Variants in CSMD1 observed in about 807,000 individuals in gnomAD.
CSMD1 encodes CUB and sushi domain-containing protein 1.
In CSMD1, 213 loss-of-function variants were observed where a neutral mutation model predicts 417.5. The ratio of observed to expected loss-of-function variants is 0.51; its 90% confidence interval spans 0.46 to 0.57. CSMD1 has a LOEUF of 0.57. Among genes scored for constraint, CSMD1 ranks in the 20% least tolerant of loss-of-function variants. CSMD1 has a pLI of 0.00. For missense variants in CSMD1, 6,923 were observed against 4,529.7 expected (o/e 1.53, Z -15.17); for synonymous variants, 2,862 against 1,736.8 (o/e 1.65, Z -16.11).
intron 7 of CSMD1, among the ~76,000 whole-genome samples, chr8:3,691,319 A>G (rs1330908450): frequency 1.3e-5 from 2 of 152,030 alleles, no homozygotes; most frequent in African/African-American, 4.8e-5. Context: ...GTGAGCCGGG[A>G]TCGTGCCACT....
chr8:4,294,013 T>C (rs1457232008), intron 3 of CSMD1, among the ~76,000 whole-genome samples: 2 of 152,238 alleles, frequency 1.3e-5, no homozygotes, highest in African/African-American at 2.4e-5. Context: ...AGTTTTAGGA[T>C]AAGAATCAGG....
At chr8:4,019,532 A>G (rs1006722836) in intron 4 of CSMD1, among the ~76,000 whole-genome samples, 5 of 152,118 alleles carry the variant, frequency 3.3e-5, no homozygotes, top group African/African-American at 1.2e-4. Flanking sequence ...CCCAAGAGAC[A>G]TTCCCCATTC....
intron 3 of CSMD1, among the ~76,000 whole-genome samples, chr8:4,083,045 T>G (rs1055165442): frequency 6.6e-6 from 1 of 152,080 alleles, no homozygotes; most frequent in Non-Finnish European, 1.5e-5. Context: ...TCCAAGTCTT[T>G]GCTATTGTGA....
intron 16 of CSMD1, among the ~76,000 whole-genome samples, chr8:3,397,075 G>C (rs1026770045): frequency 6.6e-6 from 1 of 151,914 alleles, no homozygotes; most frequent in African/African-American, 2.4e-5. Context: ...TATATATAAA[G>C]TTGCAGCCAC....
Position 3,288,706 on chromosome 8 carries a change from C to A in CSMD1, c.3951-4360G>T, listed in dbSNP as rs564042187. Among the ~76,000 whole-genome samples the A allele has an allele frequency of 2.4e-3, 347 of 146,414 alleles. 8 individuals carry two copies. The highest frequency in any genetic ancestry group is 3.0e-3 in the Non-Finnish European group (201 of 67,822). The stretch of plus-strand genomic sequence containing the variant: ...CTTCTCTCTTTTCTTCTTTATTTTT[C>A]TTGATAGCAGTTTATCAATTTTGTT... On this transcript the variant is annotated intron_variant, in intron 25 of 69. Coordinates refer to ENST00000635120, the MANE Select transcript of CSMD1 (RefSeq NM_033225.6).
At chr8:4,424,355 C>T (rs894029134) in intron 2 of CSMD1, among the ~76,000 whole-genome samples, 1 of 151,706 alleles carries the variant, frequency 6.6e-6, no homozygotes, top group Non-Finnish European at 1.5e-5. Flanking sequence ...AAAAGGCAAA[C>T]AATCCAATTA....
chr8:3,599,613 C>A (rs1801263784), intron 8 of CSMD1, among the ~76,000 whole-genome samples: 1 of 152,224 alleles, frequency 6.6e-6, no homozygotes, highest in South Asian at 2.1e-4. Context: ...TTAACCACTT[C>A]ATGCTATACA....
chr8:3,629,208 G>A (rs1287009771), intron 7 of CSMD1, among the ~76,000 whole-genome samples: 1 of 152,108 alleles, frequency 6.6e-6, no homozygotes, highest in Non-Finnish European at 1.5e-5. Flanking sequence ...AGCTTCAACT[G>A]AGAAACAAGA....
At chr8:3,091,897 T>G (rs1814974681) in intron 47 of CSMD1, among the ~76,000 whole-genome samples, 1 of 152,222 alleles carries the variant, frequency 6.6e-6, no homozygotes. Flanking sequence ...GGTGTCATAT[T>G]TAAATAAGCC....
At chr8:4,889,624 G>A (rs541565752) in intron 1 of CSMD1, among the ~76,000 whole-genome samples, 3 of 152,074 alleles carry the variant, frequency 2.0e-5, no homozygotes, top group African/African-American at 7.3e-5. Context: ...CTGGCTTAAG[G>A]TTACTGGTAG....
rs538708079 is a variant in CSMD1, at chr8:4,296,118, C to A, written c.415+123835G>T. ...TCTTTGCAAGGAGAGAAATCTTAAT[C>A]AAAACCACAATAAGAAGCGAAAATG... On this transcript the variant is annotated intron_variant, in intron 3 of 69. Transcript: ENST00000635120. Among the ~76,000 whole-genome samples, 4 of 152,132 alleles carry A rather than the reference C, an allele frequency of 2.6e-5. No homozygotes were observed. The South Asian group carries it at 8.3e-4, about 32-fold the overall frequency.
chr8:4,132,367 A>T (rs542451649), intron 3 of CSMD1, among the ~76,000 whole-genome samples: 2 of 152,314 alleles, frequency 1.3e-5, no homozygotes, highest in African/African-American at 4.8e-5. Context: ...TGTAGAATAC[A>T]TCTTGACTTT....
intron 7 of CSMD1, among the ~76,000 whole-genome samples, chr8:3,634,383 G>C (rs1165629225): frequency 6.6e-6 from 1 of 152,176 alleles, no homozygotes; most frequent in Non-Finnish European, 1.5e-5. Context: ...TAGGCACCGA[G>C]GCTCAGGAGA....
At chr8:4,333,044 T>C (rs1219236373) in intron 3 of CSMD1, among the ~76,000 whole-genome samples, 1 of 152,054 alleles carries the variant, frequency 6.6e-6, no homozygotes. Flanking sequence ...ACAGCAACCA[T>C]TTTAAATGTC....
At chr8:4,101,767 G>T (rs540854485) in intron 3 of CSMD1, among the ~76,000 whole-genome samples, 1 of 152,296 alleles carries the variant, frequency 6.6e-6, no homozygotes, top group East Asian at 1.9e-4. Context: ...TTTTGCTTAG[G>T]ACAGCAAATG....
intron 3 of CSMD1, among the ~76,000 whole-genome samples, chr8:4,405,473 GA>G (rs974818477): frequency 1.3e-5 from 2 of 152,058 alleles, no homozygotes; most frequent in African/African-American, 4.8e-5. Flanking sequence ...AGTTGTGTTT[GA>G]AAGAGTGAAG....
intron 3 of CSMD1, among the ~76,000 whole-genome samples, chr8:4,407,552 T>G (rs1796390109): frequency 2.0e-5 from 3 of 152,334 alleles, no homozygotes; most frequent in African/African-American, 7.2e-5. Context: ...TTGTGCTAAT[T>G]TCATATAGTA....
At chr8:4,649,644 T>C (rs933957242) in intron 1 of CSMD1, among the ~76,000 whole-genome samples, 1 of 152,220 alleles carries the variant, frequency 6.6e-6, no homozygotes, top group Admixed American at 6.5e-5. Flanking sequence ...TTTTAAGAAC[T>C]CTTCTACTCC....
intron 3 of CSMD1, among the ~76,000 whole-genome samples, chr8:4,408,809 C>G (rs960479857): frequency 6.6e-6 from 1 of 152,106 alleles, no homozygotes; most frequent in Non-Finnish European, 1.5e-5. Context: ...AAAAAAATAG[C>G]ACAATAAAGG....
Sources: gnomAD v4.1 joint callset for allele counts (sites outside exome capture counted in the v4.1 genomes callset) on GRCh38, gnomAD v4.1.1 for gene constraint, MANE v1.5 for transcripts, NCBI Gene and HGNC (gene_info 2026-07-23, HGNC 2026-07-21) for gene names.